Variants in DMD observed in about 807,000 individuals in gnomAD.
The protein encoded by DMD is mutant dystrophin.
DMD carries 63 observed loss-of-function variants against 330.1 expected under a neutral mutation model. The observed-to-expected ratio is 0.19, with a 90% CI of 0.16 to 0.24. The LOEUF (loss-of-function observed/expected upper bound fraction) is 0.24. Among genes scored for constraint, DMD ranks in the 10% least tolerant of loss-of-function variants. The pLI is 1.00. For synonymous variants in DMD, 1,223 were observed against 959.8 expected (o/e 1.27, Z -5.07); for missense variants, 3,344 against 2,684.1 (o/e 1.25, Z -5.43).
chrX:32,811,541 C>G (rs1483071593), intron 6 of DMD, among the ~76,000 whole-genome samples: 2 of 111,809 alleles, frequency 1.8e-5, no homozygotes, highest in Non-Finnish European at 3.8e-5. Flanking sequence ...CTGCTGGAAA[C>G]CTAGCCTGAC....
At chrX:32,858,665 T>A (rs1182648551) in intron 2 of DMD, among the ~76,000 whole-genome samples, 2 of 110,440 alleles carry the variant, frequency 1.8e-5, no homozygotes, top group Non-Finnish European at 3.8e-5. Flanking sequence ...TGAGTAAAAA[T>A]CTCCCCCACC....
At chrX:33,099,977 A>G (rs970863948) in intron 1 of DMD, among the ~76,000 whole-genome samples, 9 of 112,310 alleles carry the variant, frequency 8.0e-5, no homozygotes, top group Admixed American at 3.8e-4. Flanking sequence ...CCAAAATTAC[A>G]TAATAGCTCT....
intron 52 of DMD, among the ~76,000 whole-genome samples, chrX:31,723,585 C>G (rs1470364027): frequency 5.8e-5 from 6 of 104,150 alleles, no homozygotes; most frequent in Non-Finnish European, 1.2e-4. Context: ...TGCCTTCTAA[C>G]TGGTCTTACT....
chrX:31,894,573 A>G (rs1456604969), intron 47 of DMD, among the ~76,000 whole-genome samples: 4 of 111,970 alleles, frequency 3.6e-5, no homozygotes, highest in Non-Finnish European at 7.5e-5. Context: ...CATCTTTATA[A>G]TATTTGTCAA....
intron 60 of DMD, among the ~76,000 whole-genome samples, chrX:31,407,987 G>GACAA (rs893653426): frequency 2.8e-4 from 31 of 111,594 alleles, no homozygotes; most frequent in African/African-American, 1.0e-3. Context: ...GACATAATGA[G>GACAA]ACAAACAAAC....
chrX:31,849,784 T>C (rs2093490232), intron 48 of DMD, among the ~76,000 whole-genome samples: 1 of 111,235 alleles, frequency 9.0e-6, no homozygotes, highest in African/African-American at 3.3e-5. Context: ...TATTAATGCT[T>C]GGTTTTCTAA....
intron 2 of DMD, among the ~76,000 whole-genome samples, chrX:32,980,402 A>G (rs2092679027): frequency 9.3e-6 from 1 of 106,956 alleles, no homozygotes; most frequent in African/African-American, 3.4e-5. Flanking sequence ...AAGGAGTAAA[A>G]TGGAGTACAG....
At chrX:31,738,239 T>C (rs1364418790) in intron 51 of DMD, among the ~76,000 whole-genome samples, 1 of 111,705 alleles carries the variant, frequency 9.0e-6, no homozygotes, top group Admixed American at 9.5e-5. Flanking sequence ...AGGGAAACAG[T>C]GGTACAAGAA....
intron 1 of DMD, among the ~76,000 whole-genome samples, chrX:33,120,605 G>C (rs1228498609): frequency 1.8e-5 from 2 of 111,201 alleles, no homozygotes; most frequent in Admixed American, 1.9e-4. Context: ...TTTAGGCCAG[G>C]CACAGTGGCT....
intron 7 of DMD, among the ~76,000 whole-genome samples, chrX:32,738,760 G>T (rs756442294): frequency 9.0e-6 from 1 of 111,340 alleles, no homozygotes; most frequent in Non-Finnish European, 1.9e-5. Context: ...AGCAGATAAG[G>T]TATACGATAT....
chrX:31,989,572 GA>G (rs1374671233), intron 44 of DMD, among the ~76,000 whole-genome samples: 2 of 110,620 alleles, frequency 1.8e-5, no homozygotes, highest in Non-Finnish European at 3.8e-5. Context: ...ACAAGCGCAA[GA>G]AAAAATTGTC....
At chrX:32,862,399 G>C (rs1282948474) in intron 2 of DMD, among the ~76,000 whole-genome samples, 1 of 111,698 alleles carries the variant, frequency 9.0e-6, no homozygotes, top group African/African-American at 3.3e-5. Context: ...AAATCAAGTT[G>C]TTATATGTAA....
At chrX:31,336,990 C>T (rs1011471155) in intron 61 of DMD, among the ~76,000 whole-genome samples, 2 of 102,700 alleles carry the variant, frequency 1.9e-5, no homozygotes, top group Non-Finnish European at 3.9e-5. Flanking sequence ...ATGGTGTGAT[C>T]TTGGCTCACT....
At chrX:31,772,071 T>C (rs935016379) in intron 51 of DMD, among the ~76,000 whole-genome samples, 1 of 112,283 alleles carries the variant, frequency 8.9e-6, no homozygotes, top group African/African-American at 3.2e-5. Context: ...CCATATAATA[T>C]TATGATGTGA....
intron 44 of DMD, among the ~76,000 whole-genome samples, chrX:31,991,623 C>T (rs1200831464): frequency 9.1e-6 from 1 of 109,458 alleles, no homozygotes; most frequent in Non-Finnish European, 1.9e-5. Flanking sequence ...AACAGGATAG[C>T]CAAAGCCAGA....
In DMD at chrX:32,734,136, C is replaced by T. The variant is rs1180215729; in HGVS notation, c.650-34843G>A. On this transcript the variant is annotated intron_variant, in intron 7 of 78. Coordinates refer to ENST00000357033, the MANE Select transcript of DMD (RefSeq NM_004006.3). ...TACCATCAGAGAATACTACAAACAC[C>T]TCTACGCAAATAAACTAGAAAATCT... Among the ~76,000 whole-genome samples the T allele has an allele frequency of 5.5e-5, 6 of 108,751 alleles. No homozygotes were observed. The East Asian group carries it at 1.7e-3, about 31-fold the overall frequency. 94.4% of individuals were successfully genotyped at this position (108,751 alleles called of 115,157 possible). A position where few individuals can be genotyped will look rare whatever the true frequency, so the allele number is the denominator to read the frequency against.
intron 50 of DMD, among the ~76,000 whole-genome samples, chrX:31,778,768 A>G (rs1286119539): frequency 1.8e-5 from 2 of 109,830 alleles, no homozygotes; most frequent in African/African-American, 6.6e-5. Flanking sequence ...ACGGGGTTTC[A>G]CCATGTTGGC....
intron 44 of DMD, among the ~76,000 whole-genome samples, chrX:32,210,071 T>C (rs2097087736): frequency 9.0e-6 from 1 of 111,460 alleles, no homozygotes; most frequent in African/African-American, 3.3e-5. Context: ...TAACAATATT[T>C]ACGCAAGGAT....
intron 52 of DMD, among the ~76,000 whole-genome samples, chrX:31,688,796 G>T (rs1341554095): frequency 3.6e-5 from 4 of 111,587 alleles, no homozygotes; most frequent in South Asian, 7.7e-4. Context: ...TCATCCCTGG[G>T]ATGCAAGGCT....
Sources: allele counts gnomAD v4.1 joint callset (sites outside exome capture counted in the v4.1 genomes callset), GRCh38; gene constraint gnomAD v4.1.1; transcripts MANE v1.5; gene names NCBI Gene and HGNC (gene_info 2026-07-23, HGNC 2026-07-21).